The following MICAL3 variants were observed in gnomAD, a reference collection of about 807,000 sequenced individuals.
The protein encoded by MICAL3 is [F-actin]-monooxygenase MICAL3.
In MICAL3, 62 loss-of-function variants were observed where a neutral mutation model predicts 207.4. That is an observed-to-expected ratio of 0.30 (90% CI 0.24 to 0.37). The LOEUF is 0.37. Ranked by LOEUF, MICAL3 falls within the 10% of genes least tolerant of loss-of-function variation. MICAL3 has a pLI of 1.00. For missense variants in MICAL3, 2,368 were observed against 2,635.6 expected (o/e 0.90, Z 2.22); for synonymous variants, 1,077 against 1,069.3 (o/e 1.01, Z -0.14).
At chr22:17,993,205 T>A (rs1241158415) in intron 1 of MICAL3, among the ~76,000 whole-genome samples, 1 of 152,116 alleles carries the variant, frequency 6.6e-6, no homozygotes, top group Non-Finnish European at 1.5e-5. Flanking sequence ...TTCTGTTCCA[T>A]AAGTTCATGT....
chr22:17,812,986 G>A (rs1478625721), intron 27 of MICAL3: 1 of 152,146 alleles, frequency 6.6e-6, no homozygotes, highest in African/African-American at 2.4e-5. Context: ...GAGTAGAAGT[G>A]GGGTGCGGGA....
At chr22:17,926,444 G>C (rs1479993648) in intron 1 of MICAL3, among the ~76,000 whole-genome samples, 1 of 152,212 alleles carries the variant, frequency 6.6e-6, no homozygotes, top group Non-Finnish European at 1.5e-5. Flanking sequence ...TAAGTAAAGA[G>C]GATGCTCAGG....
At chr22:17,941,822 G>A (rs778438373) in intron 1 of MICAL3, among the ~76,000 whole-genome samples, 48 of 152,284 alleles carry the variant, frequency 3.2e-4, no homozygotes, top group South Asian at 1.0e-3. Context: ...AATCTGTGAT[G>A]GCCTGGGGCA....
intron 1 of MICAL3, among the ~76,000 whole-genome samples, chr22:18,017,390 T>A: frequency 6.6e-6 from 1 of 151,268 alleles, no homozygotes; most frequent in African/African-American, 2.4e-5. Context: ...ATTTTTTTTA[T>A]TTTTTTAGTG....
At chr22:17,929,107 TC>T (rs1294664347) in intron 1 of MICAL3, among the ~76,000 whole-genome samples, 2 of 150,596 alleles carry the variant, frequency 1.3e-5, no homozygotes, top group Non-Finnish European at 3.0e-5. Flanking sequence ...TTTTTTTTTT[TC>T]CTTTTTTAAA....
rs779695170 is a variant in MICAL3, at chr22:17,889,272, A to G, written c.1695-42T>C. The G allele has an allele frequency of 7.4e-6, 11 of 1,476,758 alleles. No homozygotes were observed. In the South Asian group the frequency reaches 8.2e-5, roughly 11 times the overall value. The allele number at this position is 1,476,758 out of a possible 1,614,324, so 91.5% of individuals were successfully genotyped here. The stretch of plus-strand genomic sequence containing the variant: ...GGAAAACATATCAAGATAGGTTGAC[A>G]GTCCTTAAACAGAAACGCAGTATCC... On this transcript the variant is annotated intron_variant, in intron 12 of 31. Transcript: ENST00000441493.
intron 16 of MICAL3, among the ~76,000 whole-genome samples, chr22:17,874,081 G>A (rs954829730): frequency 6.6e-6 from 1 of 152,168 alleles, no homozygotes; most frequent in Non-Finnish European, 1.5e-5. Context: ...GGAAGCAGGC[G>A]CTCGAGGGGC....
intron 1 of MICAL3, among the ~76,000 whole-genome samples, chr22:17,973,993 A>G (rs1018680011): frequency 6.6e-6 from 1 of 152,224 alleles, no homozygotes; most frequent in Non-Finnish European, 1.5e-5. Context: ...TATTTATCAC[A>G]ACAGAAAAGA....
chr22:17,830,631 C>CA (rs1323583171), intron 21 of MICAL3, among the ~76,000 whole-genome samples: 1 of 152,226 alleles, frequency 6.6e-6, no homozygotes. Flanking sequence ...GCTCCGCAGA[C>CA]ACGGCAGCAT....
chr22:17,994,053 G>A (rs548590349), intron 1 of MICAL3, among the ~76,000 whole-genome samples: 69 of 152,208 alleles, frequency 4.5e-4, no homozygotes, highest in Non-Finnish European at 6.8e-4. Context: ...GTTAAGACAC[G>A]TGGGCACTCA....
At chr22:17,857,329 T>C (rs1408273139) in intron 19 of MICAL3, among the ~76,000 whole-genome samples, 3 of 152,092 alleles carry the variant, frequency 2.0e-5, no homozygotes, top group Non-Finnish European at 2.9e-5. Flanking sequence ...GAAGTGAGCA[T>C]GTGAGGGACC....
Position 17,796,542 on chromosome 22 carries a change from A to C in MICAL3, c.5651-5241T>G, listed in dbSNP as rs769227940. Among the ~76,000 whole-genome samples the C allele has an allele frequency of 1.3e-5, 2 of 152,224 alleles. No individual in the cohort carries two copies. Among genetic ancestry groups the C allele is most frequent in the Non-Finnish European group, 2.9e-5 (2 of 68,034 alleles). On this transcript the variant is annotated intron_variant, in intron 29 of 31. Coordinates refer to ENST00000441493, the MANE Select transcript of MICAL3 (RefSeq NM_015241.3). This position sits in a 1 kb window ranked among gnomAD's most constrained non-coding sequence, Gnocchi z 4.4. The stretch of plus-strand genomic sequence containing the variant: ...GTGGCAGAGCCTGGAAAAGAAGCCA[A>C]ATCTTCTTGCCCACTCTGAACTCAG...
At chr22:17,908,158 T>A (rs1325785605) in intron 1 of MICAL3, among the ~76,000 whole-genome samples, 2 of 151,830 alleles carry the variant, frequency 1.3e-5, no homozygotes, top group African/African-American at 4.8e-5. Flanking sequence ...TGGGTCAGGG[T>A]GACAAGACGA....
chr22:17,940,811 C>T (rs1159125191), intron 1 of MICAL3, among the ~76,000 whole-genome samples: 1 of 152,050 alleles, frequency 6.6e-6, no homozygotes, highest in Non-Finnish European at 1.5e-5. Context: ...GGCTATAAGC[C>T]CTACCTCACA....
intron 9 of MICAL3, among the ~76,000 whole-genome samples, chr22:17,895,803 G>A (rs971830972): frequency 1.3e-5 from 2 of 152,122 alleles, no homozygotes. Flanking sequence ...AAAATAAGAT[G>A]ATATCAACTC....
intron 1 of MICAL3, among the ~76,000 whole-genome samples, chr22:17,941,058 G>A (rs866006107): frequency 2.2e-4 from 33 of 152,112 alleles, no homozygotes; most frequent in African/African-American, 7.0e-4. Context: ...CTAGGCCACG[G>A]GATGAATGGG....
intron 1 of MICAL3, among the ~76,000 whole-genome samples, chr22:17,970,392 A>T (rs1224054285): frequency 1.3e-5 from 2 of 152,002 alleles, no homozygotes; most frequent in Admixed American, 6.6e-5. Flanking sequence ...GACCAGCTGC[A>T]GGGCCATGAT....
chr22:17,828,660 G>A (rs1018659900), intron 21 of MICAL3, among the ~76,000 whole-genome samples: 2 of 152,212 alleles, frequency 1.3e-5, no homozygotes, highest in Non-Finnish European at 2.9e-5. Context: ...TGGTTTCTCA[G>A]CTACATGGAA....
chr22:17,811,872 G>A (rs1188693895), intron 27 of MICAL3, among the ~76,000 whole-genome samples: 1 of 152,136 alleles, frequency 6.6e-6, no homozygotes, highest in Admixed American at 6.5e-5. Context: ...AGCCTCCCGA[G>A]TAGTCAGGAC....
Sources: gnomAD v4.1 joint callset for allele counts (sites outside exome capture counted in the v4.1 genomes callset) on GRCh38, gnomAD v4.1.1 for gene constraint, Gnocchi (gnomAD v3.1) non-coding constraint, MANE v1.5 for transcripts, NCBI Gene and HGNC (gene_info 2026-07-23, HGNC 2026-07-21) for gene names.